The following TFCP2 variants were observed in gnomAD, a reference collection of about 807,000 sequenced individuals.
The protein encoded by TFCP2 is alpha-globin transcription factor CP2.
In TFCP2, 33 loss-of-function variants were observed where a neutral mutation model predicts 73.4. The observed-to-expected ratio is 0.45, with a 90% CI of 0.34 to 0.60. The LOEUF (loss-of-function observed/expected upper bound fraction) is 0.60. Among genes scored for constraint, TFCP2 ranks in the 20% least tolerant of loss-of-function variants. TFCP2 has a pLI of 0.01. For synonymous variants in TFCP2, 193 were observed against 211.6 expected (o/e 0.91, Z 0.76); for missense variants, 352 against 604.0 (o/e 0.58, Z 4.37).
chr12:51,129,890 T>C (rs548600324), intron 1 of TFCP2, among the ~76,000 whole-genome samples: 123 of 150,562 alleles, frequency 8.2e-4, no homozygotes, highest in African/African-American at 2.7e-3. Context: ...GGCTCACACC[T>C]ACAATCCCAG....
At chr12:51,128,487 A>C (rs974717324) in intron 1 of TFCP2, among the ~76,000 whole-genome samples, 3 of 151,600 alleles carry the variant, frequency 2.0e-5, no homozygotes, top group Non-Finnish European at 2.9e-5. Flanking sequence ...ATAAAAAAAA[A>C]AAAAACAAAA....
chr12:51,143,139 C>T (rs568304140), intron 1 of TFCP2, among the ~76,000 whole-genome samples: 64 of 152,060 alleles, frequency 4.2e-4, no homozygotes, highest in African/African-American at 1.5e-3. Flanking sequence ...AACTCCCATA[C>T]ATTTAAGTAT....
At chr12:51,124,806 G>T in intron 1 of TFCP2, 1 of 1,001,692 alleles carries the variant, frequency 1.0e-6, no homozygotes, top group Non-Finnish European at 1.6e-6. Flanking sequence ...CTGCTGCTCA[G>T]CCTTTTCCTT....
intron 1 of TFCP2, among the ~76,000 whole-genome samples, chr12:51,162,642 GT>G (rs1169715338): frequency 6.6e-6 from 1 of 151,944 alleles, no homozygotes; most frequent in Non-Finnish European, 1.5e-5. Flanking sequence ...TTTAACTATA[GT>G]CCCCATGATG....
At chr12:51,104,843 C>G (rs1042992555) in intron 8 of TFCP2, among the ~76,000 whole-genome samples, 3 of 151,398 alleles carry the variant, frequency 2.0e-5, no homozygotes, top group East Asian at 1.9e-4. Context: ...TACCGAGTAG[C>G]TGGGACTACA....
chr12:51,153,979 T>C (rs949018671), intron 1 of TFCP2, among the ~76,000 whole-genome samples: 2 of 152,226 alleles, frequency 1.3e-5, no homozygotes, highest in Non-Finnish European at 2.9e-5. Flanking sequence ...TGCACCATTT[T>C]ACATTGCCAC....
intron 1 of TFCP2, among the ~76,000 whole-genome samples, chr12:51,122,891 C>A (rs765376711): frequency 6.6e-6 from 1 of 152,142 alleles, no homozygotes; most frequent in African/African-American, 2.4e-5. Context: ...CATTTCTAAG[C>A]CTTTACTACC....
At chr12:51,113,904 T>C (rs1385123964) in intron 4 of TFCP2, among the ~76,000 whole-genome samples, 1 of 152,142 alleles carries the variant, frequency 6.6e-6, no homozygotes, top group African/African-American at 2.4e-5. Context: ...CCATACAACC[T>C]TTTTTGTATA....
chr12:51,103,523 G>A, intron 10 of TFCP2, 147 bp downstream of exon 10: 1 of 561,662 alleles, frequency 1.8e-6, no homozygotes, highest in Non-Finnish European at 3.1e-6. Flanking sequence ...AAGTCTTAAG[G>A]GTTCTATGAA....
chr12:51,140,335 C>T (rs1219088768), intron 1 of TFCP2, among the ~76,000 whole-genome samples: 1 of 151,336 alleles, frequency 6.6e-6, no homozygotes, highest in Non-Finnish European at 1.5e-5. Context: ...GAGGCTGAGG[C>T]GGAGGATCAC....
At chr12:51,128,670 T>C (rs1251779792) in intron 1 of TFCP2, among the ~76,000 whole-genome samples, 2 of 152,190 alleles carry the variant, frequency 1.3e-5, no homozygotes, top group African/African-American at 4.8e-5. Flanking sequence ...ATATGAATTT[T>C]TTAACTTAAA....
At chr12:51,101,074 C>T (rs1024454268) in intron 11 of TFCP2, among the ~76,000 whole-genome samples, 1 of 152,090 alleles carries the variant, frequency 6.6e-6, no homozygotes, top group African/African-American at 2.4e-5. Context: ...GAGGCCAAGG[C>T]GGGTGGATCA....
chr12:51,116,563 C>A, intron 3 of TFCP2, 143 bp from the exon 4 acceptor site: 1 of 443,156 alleles, frequency 2.3e-6, no homozygotes. Context: ...CACTCTAAAA[C>A]CCATACCATA....
intron 4 of TFCP2, 51 bp downstream of exon 4, chr12:51,116,264 C>G: frequency 1.0e-6 from 1 of 996,676 alleles, no homozygotes; most frequent in Non-Finnish European, 1.5e-6. Context: ...AAAACCAACT[C>G]TGGGTCCATA....
intron 2 of TFCP2, 24 bp downstream of exon 2, chr12:51,118,596 AC>A: frequency 2.5e-6 from 4 of 1,611,630 alleles, no homozygotes; most frequent in Non-Finnish European, 2.5e-6. Flanking sequence ...CTGCAATAGT[AC>A]TAATGAATGA....
In TFCP2 at chr12:51,166,452, A is replaced by G. The variant is rs75745551; in HGVS notation, c.122+5849T>C. Among the ~76,000 whole-genome samples the G allele has an allele frequency of 4.7e-3, 719 of 152,254 alleles. 6 individuals are homozygous for G. Among genetic ancestry groups the G allele is most frequent in the African/African-American group, 0.016 (678 of 41,550 alleles). On this transcript the variant is annotated intron_variant, in intron 1 of 14. Transcript: ENST00000257915. ...ATGACATCTCTGACTGTGGGTCACT[A>G]TATTAACAGATGCTTAAAGTTGTTT...
intron 2 of TFCP2, 93 bp downstream of exon 2, chr12:51,118,528 C>A: frequency 6.8e-7 from 1 of 1,473,706 alleles, no homozygotes; most frequent in South Asian, 1.3e-5. Context: ...ACACTCCAGC[C>A]TGGGTGACGC....
chr12:51,159,282 T>C (rs994855814), intron 1 of TFCP2, among the ~76,000 whole-genome samples: 3 of 152,040 alleles, frequency 2.0e-5, no homozygotes, highest in Non-Finnish European at 4.4e-5. Flanking sequence ...ACAATAACCA[T>C]TGCCTCTTTG....
At chr12:51,097,271 T>C (rs1939986620) in intron 13 of TFCP2, among the ~76,000 whole-genome samples, 1 of 151,730 alleles carries the variant, frequency 6.6e-6, no homozygotes, top group Admixed American at 6.6e-5. Context: ...TTTTTTTGGA[T>C]GAAGTCTCGC....
Sources: gnomAD v4.1 joint callset for allele counts (sites outside exome capture counted in the v4.1 genomes callset) on GRCh38, gnomAD v4.1.1 for gene constraint, MANE v1.5 for transcripts, NCBI Gene and HGNC (gene_info 2026-07-23, HGNC 2026-07-21) for gene names.